Variants in PXYLP1 observed in about 807,000 individuals in gnomAD.
PXYLP1 encodes the protein acid phosphatase-like 2.
In PXYLP1, 17 loss-of-function variants were observed where a neutral mutation model predicts 37.9. That is an observed-to-expected ratio of 0.45 (90% CI 0.31 to 0.67). The LOEUF (loss-of-function observed/expected upper bound fraction) is 0.67. PXYLP1 is among the 30% of genes least tolerant of loss of function. The probability of loss-of-function intolerance (pLI) is 0.07; values close to 1 mark genes in which losing one functional copy is unlikely to be tolerated. For synonymous variants in PXYLP1, 221 were observed against 232.2 expected, an observed-to-expected ratio of 0.95 and a Z score of 0.44; for missense variants, 511 against 612.0, an observed-to-expected ratio of 0.84 and a Z score of 1.74.
chr3:141,244,149 TTAA>T (rs1327110425), intron 1 of PXYLP1, among the ~76,000 whole-genome samples: 5 of 151,900 alleles, frequency 3.3e-5, no homozygotes, highest in Non-Finnish European at 1.5e-5. Context: ...TTCTCTCCTT[TTAA>T]TGTTTTTCCT....
chr3:141,286,863 G>A (rs1216427612), intron 4 of PXYLP1, among the ~76,000 whole-genome samples: 1 of 152,232 alleles, frequency 6.6e-6, no homozygotes, highest in African/African-American at 2.4e-5. Flanking sequence ...TAGTAGCTGT[G>A]AGGATGAAGG....
chr3:141,279,344 A>G, intron 3 of PXYLP1, 34 bp from the exon 4 acceptor site: 1 of 1,612,840 alleles, frequency 6.2e-7, no homozygotes, highest in Non-Finnish European at 8.5e-7. Context: ...ACACCTATTG[A>G]GTGATAACCA....
intron 2 of PXYLP1, chr3:141,274,372 C>T (rs1576597778): frequency 1.4e-6 from 2 of 1,439,318 alleles, no homozygotes; most frequent in Non-Finnish European, 1.8e-6. Flanking sequence ...CAAGGCGTAT[C>T]CTGAGCCAGC....
intron 4 of PXYLP1, among the ~76,000 whole-genome samples, chr3:141,281,859 C>T (rs1392348968): frequency 6.6e-6 from 1 of 152,144 alleles, no homozygotes; most frequent in Admixed American, 6.5e-5. Context: ...GTTAGTTTCA[C>T]AGGCTCAAGC....
At chr3:141,266,588 G>A (rs1178776656) in intron 2 of PXYLP1, among the ~76,000 whole-genome samples, 1 of 113,198 alleles carries the variant, frequency 8.8e-6, no homozygotes, top group Non-Finnish European at 2.2e-5. Flanking sequence ...GTTCTCAGGT[G>A]GGGAGCTGAG....
chr3:141,240,666 C>G (rs1217537622), intron 1 of PXYLP1, among the ~76,000 whole-genome samples: 2 of 152,054 alleles, frequency 1.3e-5, no homozygotes, highest in African/African-American at 4.8e-5. Context: ...CTCCTCCCCC[C>G]AAAAATCAGG....
chr3:141,288,821 G>A (rs189394454), intron 5 of PXYLP1, among the ~76,000 whole-genome samples: 10 of 152,152 alleles, frequency 6.6e-5, no homozygotes, highest in African/African-American at 1.9e-4. Flanking sequence ...ACTTGAGCCC[G>A]GGAGGTCAAG....
intron 2 of PXYLP1, among the ~76,000 whole-genome samples, chr3:141,269,103 A>G (rs977893872): frequency 1.3e-5 from 2 of 152,182 alleles, no homozygotes; most frequent in African/African-American, 4.8e-5. Flanking sequence ...GGCCTCCCCA[A>G]AGCCCCTCGC....
Position 141,259,609 on chromosome 3 carries a change from T to G in PXYLP1, c.-53-514T>G, listed in dbSNP as rs550140866. Among the ~76,000 whole-genome samples the G allele has an allele frequency of 1.3e-4, 20 of 152,274 alleles. No homozygotes were observed. In the South Asian group the frequency reaches 4.2e-3, roughly 32 times the overall value. On this transcript the variant is annotated intron_variant, in intron 1 of 5. Transcript: ENST00000286353. ...TAGTCGGTGTAGGAGCAAATCCTTT[T>G]GCACACCCAGACCATCCCCCAAGGC...
chr3:141,248,670 CACGT>C (rs1257156691), intron 1 of PXYLP1, among the ~76,000 whole-genome samples: 1 of 91,610 alleles, frequency 1.1e-5, no homozygotes, highest in Non-Finnish European at 1.9e-5. Flanking sequence ...TATATACACA[CACGT>C]GTATATATAC....
At chr3:141,237,399 G>A (rs576002609) in intron 1 of PXYLP1, among the ~76,000 whole-genome samples, 7 of 152,340 alleles carry the variant, frequency 4.6e-5, no homozygotes. Flanking sequence ...ATTCAGCACA[G>A]TGCAGTGATT....
At chr3:141,263,123 C>T (rs977701731) in intron 2 of PXYLP1, among the ~76,000 whole-genome samples, 2 of 152,124 alleles carry the variant, frequency 1.3e-5, no homozygotes, top group Admixed American at 1.3e-4. Context: ...GCCCAGGTTA[C>T]GATTCAAAAA....
chr3:141,233,154 G>C (rs1429975038), intron 1 of PXYLP1, among the ~76,000 whole-genome samples: 2 of 152,082 alleles, frequency 1.3e-5, no homozygotes, highest in African/African-American at 4.8e-5. Context: ...GACATCTGTG[G>C]GAAGGGGATT....
In PXYLP1 at chr3:141,236,636, C is replaced by T. The variant is rs115882855; in HGVS notation, c.-54+4725C>T. 4.0e-3 allele frequency among the ~76,000 whole-genome samples: 610 copies of T among 152,314 alleles called. 4 individuals carry two copies. The highest frequency in any genetic ancestry group is 0.014 in the African/African-American group (591 of 41,574). On this transcript the variant is annotated intron_variant, in intron 1 of 5. Coordinates refer to ENST00000286353, the MANE Select transcript of PXYLP1 (RefSeq NM_001037172.3). ...AGAGATCCAGCAGTATCATTTTGAG[C>T]TTTTAACCGTAAAATAAAATGAAGC...
intron 5 of PXYLP1, among the ~76,000 whole-genome samples, chr3:141,287,804 T>G (rs959760838): frequency 1.3e-5 from 2 of 152,348 alleles, no homozygotes; most frequent in East Asian, 3.9e-4. Flanking sequence ...CTAAACACAC[T>G]ATTTCATAAC....
intron 2 of PXYLP1, among the ~76,000 whole-genome samples, chr3:141,264,115 T>C (rs1023194810): frequency 2.0e-5 from 3 of 151,454 alleles, no homozygotes; most frequent in Non-Finnish European, 2.9e-5. Flanking sequence ...GGGCCCCGAT[T>C]GGCCAGAGCA....
At chr3:141,269,648 A>G (rs1036308452) in intron 2 of PXYLP1, among the ~76,000 whole-genome samples, 4 of 152,332 alleles carry the variant, frequency 2.6e-5, no homozygotes, top group South Asian at 2.1e-4. Flanking sequence ...CTGTGTTCGC[A>G]TCGTCTTTCA....
At chr3:141,255,577 A>G (rs1187920043) in intron 1 of PXYLP1, among the ~76,000 whole-genome samples, 1 of 152,230 alleles carries the variant, frequency 6.6e-6, no homozygotes, top group Non-Finnish European at 1.5e-5. Flanking sequence ...GTGAGCAAGC[A>G]GGCTGTGGGG....
At chr3:141,249,885 G>A (rs1010343461) in intron 1 of PXYLP1, among the ~76,000 whole-genome samples, 2 of 152,132 alleles carry the variant, frequency 1.3e-5, no homozygotes, top group Non-Finnish European at 2.9e-5. Flanking sequence ...ATCCTGGCTT[G>A]ATGAGTTAGT....
Sources: allele counts gnomAD v4.1 joint callset (sites outside exome capture counted in the v4.1 genomes callset), GRCh38; gene constraint gnomAD v4.1.1; transcripts MANE v1.5; gene names NCBI Gene and HGNC (gene_info 2026-07-23, HGNC 2026-07-21).